ARHGAP42: variants seen among roughly 807,000 people sequenced by gnomAD.
ARHGAP42 encodes the protein rho GTPase-activating protein 42.
A neutral mutation model predicts 125.0 loss-of-function variants in ARHGAP42; 63 were observed. The ratio of observed to expected loss-of-function variants is 0.50; its 90% CI spans 0.41 to 0.62. The LOEUF (loss-of-function observed/expected upper bound fraction) is 0.62, where lower values mean the gene tolerates loss of function less well. Ranked by LOEUF, ARHGAP42 falls within the 20% of genes least tolerant of loss-of-function variation. The pLI is 0.00. For missense variants in ARHGAP42, 766 were observed against 1,024.2 expected (o/e 0.75, Z 3.44); for synonymous variants, 339 against 351.0 (o/e 0.97, Z 0.38).
rs554057304 is a variant in ARHGAP42 at position 100,710,530 on chromosome 11, G to A, written c.154+22698G>A. Among the ~76,000 whole-genome samples, 5 of 137,156 alleles carry A rather than the reference G, an allele frequency of 3.6e-5. No homozygotes were observed. The South Asian group carries it at 9.3e-4, about 26-fold the overall frequency. The allele number at this position is 137,156 out of a possible 152,430, so 90.0% of individuals were successfully genotyped here. A position where few individuals can be genotyped will look rare whatever the true frequency, so the allele number is the denominator to read the frequency against. ...ATTACAGGCATGAGCCACTGCGCCC[G>A]GCCAGCAGTTTTTTTTTTTTTTTTT... On this transcript the variant is annotated intron_variant, in intron 1 of 23. Coordinates refer to ENST00000298815, the MANE Select transcript of ARHGAP42 (RefSeq NM_152432.4).
Position 100,813,600 on chromosome 11 carries a change from G to A in ARHGAP42, c.312+18434G>A, listed in dbSNP as rs141165073. The stretch of plus-strand genomic sequence containing the variant: ...TTGAATGAGATTATGCAGAGAGTGA[G>A]AGTGAATTAGGTGATGAGCTCCTTT... On this transcript the variant is annotated intron_variant, in intron 3 of 23. Coordinates refer to ENST00000298815, the MANE Select transcript of ARHGAP42 (RefSeq NM_152432.4). Among the ~76,000 whole-genome samples the A allele has an allele frequency of 2.9e-3, 448 of 152,300 alleles. 1 individual carries two copies. The highest frequency in any genetic ancestry group is 9.7e-3 in the African/African-American group (404 of 41,546).
intron 22 of ARHGAP42, among the ~76,000 whole-genome samples, chr11:100,982,519 C>T (rs1404447039): frequency 3.3e-5 from 5 of 152,182 alleles, no homozygotes; most frequent in Admixed American, 2.6e-4. Context: ...CAATTGTTTT[C>T]CTTAACCTAT....
intron 3 of ARHGAP42, among the ~76,000 whole-genome samples, chr11:100,807,983 A>G (rs1864038726): frequency 1.3e-5 from 2 of 152,218 alleles, no homozygotes; most frequent in Non-Finnish European, 2.9e-5. Context: ...CTTTGATAAT[A>G]TAAAAGGTAA....
intron 1 of ARHGAP42, among the ~76,000 whole-genome samples, chr11:100,701,143 CT>C (rs200859842): frequency 0.035 from 4,886 of 138,700 alleles, 82 homozygotes; most frequent in Middle Eastern, 0.053. Context: ...GTAAAATGAA[CT>C]TTTTTTTTTT....
At chr11:100,750,977 C>T (rs1241730051) in intron 1 of ARHGAP42, among the ~76,000 whole-genome samples, 1 of 134,650 alleles carries the variant, frequency 7.4e-6, no homozygotes, top group African/African-American at 2.8e-5. Flanking sequence ...TTGCTCTTGT[C>T]ACCCAGGCTG....
chr11:100,798,441 A>C (rs1863772313), intron 3 of ARHGAP42, among the ~76,000 whole-genome samples: 1 of 152,204 alleles, frequency 6.6e-6, no homozygotes, highest in African/African-American at 2.4e-5. Flanking sequence ...AGTCATCAGC[A>C]TCAAGACAGG....
intron 3 of ARHGAP42, 122 bp downstream of exon 3, chr11:100,795,288 T>A: frequency 1.7e-6 from 1 of 591,330 alleles, no homozygotes; most frequent in Non-Finnish European, 2.7e-6. Context: ...TCTACTAATT[T>A]TTACATGTAT....
At chr11:100,906,360 T>A (rs1695318059) in intron 4 of ARHGAP42, among the ~76,000 whole-genome samples, 1 of 152,210 alleles carries the variant, frequency 6.6e-6, no homozygotes, top group African/African-American at 2.4e-5. Context: ...CCTCAGAAAT[T>A]TGAAGGCTAT....
chr11:100,841,518 C>A (rs913829888), intron 3 of ARHGAP42, among the ~76,000 whole-genome samples: 1 of 152,096 alleles, frequency 6.6e-6, no homozygotes, highest in Non-Finnish European at 1.5e-5. Flanking sequence ...AATTTTCATC[C>A]TTTATTGTTA....
intron 3 of ARHGAP42, among the ~76,000 whole-genome samples, chr11:100,856,738 A>T (rs1346552592): frequency 6.6e-6 from 1 of 152,114 alleles, no homozygotes; most frequent in Non-Finnish European, 1.5e-5. Flanking sequence ...ATTTGGGGGA[A>T]ACTATAAGAC....
intron 3 of ARHGAP42, among the ~76,000 whole-genome samples, chr11:100,797,295 T>C (rs1812748409): frequency 6.6e-6 from 1 of 152,202 alleles, no homozygotes; most frequent in African/African-American, 2.4e-5. Flanking sequence ...AGAATTTCAA[T>C]GTAGACAAAA....
At chr11:100,714,890 A>G (rs567388262) in intron 1 of ARHGAP42, among the ~76,000 whole-genome samples, 2 of 152,066 alleles carry the variant, frequency 1.3e-5, no homozygotes, top group East Asian at 1.9e-4. Flanking sequence ...TACAAAAACA[A>G]TACAAAAATT....
chr11:100,886,672 A>T (rs1271288597), intron 4 of ARHGAP42, among the ~76,000 whole-genome samples: 1 of 152,212 alleles, frequency 6.6e-6, no homozygotes, highest in Non-Finnish European at 1.5e-5. Flanking sequence ...GATGTATTGC[A>T]TGTGCAAGTT....
intron 2 of ARHGAP42, among the ~76,000 whole-genome samples, chr11:100,771,667 C>T (rs946343970): frequency 2.0e-5 from 3 of 151,728 alleles, no homozygotes; most frequent in Non-Finnish European, 4.4e-5. Flanking sequence ...GGCACGATCT[C>T]GGCTCACTGC....
intron 1 of ARHGAP42, among the ~76,000 whole-genome samples, chr11:100,711,396 C>T (rs1376273371): frequency 6.6e-6 from 1 of 152,138 alleles, no homozygotes; most frequent in Non-Finnish European, 1.5e-5. Context: ...TCTCTGTCGC[C>T]CATGCTGGAG....
At chr11:100,851,750 A>T (rs1409145201) in intron 3 of ARHGAP42, among the ~76,000 whole-genome samples, 2 of 152,214 alleles carry the variant, frequency 1.3e-5, no homozygotes, top group South Asian at 4.1e-4. Context: ...ACACATGCCC[A>T]TTGTTAAGCA....
intron 1 of ARHGAP42, among the ~76,000 whole-genome samples, chr11:100,699,759 G>T (rs1861366434): frequency 6.6e-6 from 1 of 151,762 alleles, no homozygotes; most frequent in Admixed American, 6.6e-5. Flanking sequence ...CGGACCTGAG[G>T]TGATCCACCC....
In ARHGAP42 at chr11:100,971,277, A is replaced by G. The variant is rs4754714; in HGVS notation, c.1551-1898A>G. 5.4e-3 allele frequency among the ~76,000 whole-genome samples: 816 copies of G among 152,178 alleles called. 31 individuals are homozygous for G. The highest frequency in any genetic ancestry group is 0.05 in the Admixed American group (765 of 15,278). ...GATTTTTTCTCTGTTTATTGGATCC[A>G]TGGGGCTCCTTATGTTCTACCATTT... On this transcript the variant is annotated intron_variant, in intron 17 of 23. Transcript: ENST00000298815.
intron 4 of ARHGAP42, among the ~76,000 whole-genome samples, chr11:100,874,643 A>T (rs1039868758): frequency 2.6e-5 from 4 of 152,114 alleles, no homozygotes; most frequent in Admixed American, 1.3e-4. Context: ...TCCTTGGGGC[A>T]CCACCTTTTG....
Sources: allele counts gnomAD v4.1 joint callset (sites outside exome capture counted in the v4.1 genomes callset), GRCh38; gene constraint gnomAD v4.1.1; transcripts MANE v1.5; gene names NCBI Gene and HGNC (gene_info 2026-07-23, HGNC 2026-07-21).